Variants in PSMA4 observed in about 807,000 individuals in gnomAD.
PSMA4 encodes the protein proteasome subunit alpha type-4.
PSMA4 carries 8 observed loss-of-function variants against 37.2 expected under a neutral mutation model. The observed-to-expected ratio is 0.22, with a 90% CI of 0.13 to 0.39. The LOEUF (loss-of-function observed/expected upper bound fraction) is 0.39. Among genes scored for constraint, PSMA4 ranks in the 10% least tolerant of loss-of-function variants. The probability of loss-of-function intolerance (pLI) is 1.00; values close to 1 mark genes in which losing one functional copy is unlikely to be tolerated. For synonymous variants in PSMA4, 93 were observed against 98.8 expected, an observed-to-expected ratio of 0.94 and a Z score of 0.35; for missense variants, 169 against 305.1, an observed-to-expected ratio of 0.55 and a Z score of 3.32.
In PSMA4 at chr15:78,551,363, C is replaced by G. The variant is rs1472637919; in HGVS notation, c.*2419C>G. On this transcript the variant is annotated 3_prime_UTR_variant, in exon 9 of 9. Transcript: ENST00000044462. The stretch of plus-strand genomic sequence containing the variant: ...TCCAAATGAGCCTTCTCATCATTCC[C>G]TGAATGTGCCAAGCTCCCCTCACAT... 1 of 152,166 alleles carries G rather than the reference C, an allele frequency of 6.6e-6. No homozygotes were observed. The highest frequency in any genetic ancestry group is 1.5e-5 in the Non-Finnish European group (1 of 68,126). The allele number at this position is 152,166 out of a possible 1,614,324, so 9.4% of individuals were successfully genotyped here. A position where few individuals can be genotyped will look rare whatever the true frequency, so the allele number is the denominator to read the frequency against.
chr15:78,540,734 C>T (rs561325865), intron 1 of PSMA4, 195 bp downstream of exon 1: 1 of 152,366 alleles, frequency 6.6e-6, no homozygotes, highest in East Asian at 1.9e-4. Context: ...GGGGGCTTCC[C>T]AGTGCCAAGC....
At chr15:78,542,383 G>A (rs1312833985) in intron 3 of PSMA4, 100 bp from the exon 4 acceptor site, 2 of 1,454,578 alleles carry the variant, frequency 1.4e-6, no homozygotes, top group Non-Finnish European at 1.9e-6. Context: ...GAGTGAAAGT[G>A]GAAATTTGTT....
chr15:78,541,546 C>G (rs965419339), intron 1 of PSMA4: 20 of 276,286 alleles, frequency 7.2e-5, no homozygotes, highest in Non-Finnish European at 1.4e-4. Flanking sequence ...TTCCCCTGTT[C>G]TTTCTCTTAG....
chr15:78,545,152 G>A (rs566514928), intron 6 of PSMA4, among the ~76,000 whole-genome samples, 195 bp downstream of exon 6: 48 of 152,162 alleles, frequency 3.2e-4, no homozygotes, highest in Non-Finnish European at 4.9e-4. Context: ...ATCAGATCAG[G>A]GTAAATGGCA....
intron 1 of PSMA4, 100 bp from the exon 2 acceptor site, chr15:78,541,805 A>AG: frequency 1.0e-6 from 1 of 982,098 alleles, no homozygotes; most frequent in Non-Finnish European, 1.6e-6. Context: ...CCTGACACTT[A>AG]GCTGAATAAA....
chr15:78,545,099 A>G (rs2052528780), intron 6 of PSMA4, 142 bp downstream of exon 6: 2 of 576,506 alleles, frequency 3.5e-6, no homozygotes, highest in Non-Finnish European at 6.0e-6. Context: ...TAAGAATTGT[A>G]CATATTCATG....
At position 78,549,217 on chromosome 15, in the gene PSMA4, G is replaced by A. The variant is rs2052610195; in HGVS notation, c.*273G>A. The A allele has an allele frequency of 3.6e-6, 1 of 281,454 alleles. No individual in the cohort carries two copies. The highest frequency in any genetic ancestry group is 6.1e-6 in the Non-Finnish European group (1 of 164,950). The allele number at this position is 281,454 out of a possible 1,614,324, so 17.4% of individuals were successfully genotyped here. ...ATGAAGGAATAAATTCTCTGTAGCA[G>A]TAATTGTTAAATATACAAAAACTGA... On this transcript the variant is annotated 3_prime_UTR_variant, in exon 9 of 9. Transcript: ENST00000044462.
At chr15:78,548,089 G>T (rs568864102) in intron 8 of PSMA4, among the ~76,000 whole-genome samples, 10 of 151,946 alleles carry the variant, frequency 6.6e-5, no homozygotes, top group Non-Finnish European at 1.3e-4. Flanking sequence ...AAAATTAGCC[G>T]GGCGTGGTGG....
chr15:78,545,558 C>G, intron 6 of PSMA4, 76 bp from the exon 7 acceptor site: 1 of 1,508,898 alleles, frequency 6.6e-7, no homozygotes, highest in South Asian at 1.1e-5. Flanking sequence ...GTTTAGCTAC[C>G]TTCACTGAGC....
rs972659664 is a variant in PSMA4, at chr15:78,542,601, T to G, written c.165T>G (p.Leu55=). The change falls in exon 4 of 9, where the codon CTT becomes CTG. Residue 55 remains leucine (L), a synonymous_variant. Coordinates refer to ENST00000044462, the MANE Select transcript of PSMA4 (RefSeq NM_002789.6). ...CAGAGAGACGCAACATCCACAAGCTTCTTGATGAAGTCTTTTTTTCTGAAA... is the reference window on the plus strand; with the variant it reads ...CAGAGAGACGCAACATCCACAAGCTGCTTGATGAAGTCTTTTTTTCTGAAA... The part of the protein sequence containing the change: ...LAAERRNIHK[L]LDEVFFSEKI... 4 of 1,611,032 alleles carry G rather than the reference T, an allele frequency of 2.5e-6. No homozygotes were observed. In the African/African-American group the frequency reaches 5.4e-5, roughly 22 times the overall value.
At chr15:78,548,243 G>T (rs1396893639) in intron 8 of PSMA4, among the ~76,000 whole-genome samples, 1 of 151,366 alleles carries the variant, frequency 6.6e-6, no homozygotes. Flanking sequence ...AAAAAAAAAA[G>T]AAAAAGAAAA....
At chr15:78,540,435 GC>G (rs2052421123), upstream of PSMA4, 1 of 152,406 alleles carries the variant, frequency 6.6e-6, no homozygotes, top group Non-Finnish European at 1.5e-5. Context: ...CTGCGCATGC[GC>G]GGGGGCCATA....
At chr15:78,543,624 G>A (rs546550731) in intron 4 of PSMA4, among the ~76,000 whole-genome samples, 3 of 140,950 alleles carry the variant, frequency 2.1e-5, no homozygotes, top group East Asian at 2.0e-4. Context: ...GCTGGAGTAC[G>A]GTGACGCCAT....
At position 78,548,869 on chromosome 15, in the gene PSMA4, C is replaced by T. The variant is rs760336922; in HGVS notation, c.711C>T (p.Ile237=). ...AACAAAAAGAAGTGGAGCAGTTGAT[C>T]AAAAAACATGAGGAAGAAGAAGCCA... The part of the protein sequence containing the change: ...VLKQKEVEQL[I]KKHEEEEAKA... Residue 237 remains isoleucine (I), a synonymous_variant, in exon 9 of 9, where the codon ATC becomes ATT. Transcript: ENST00000044462. 16 of 1,610,782 alleles carry T rather than the reference C, an allele frequency of 9.9e-6. No individual in the cohort carries two copies. The highest frequency in any genetic ancestry group is 1.3e-5 in the Non-Finnish European group (15 of 1,178,456).
chr15:78,547,372 A>G (rs2052572159), intron 8 of PSMA4, among the ~76,000 whole-genome samples: 1 of 152,230 alleles, frequency 6.6e-6, no homozygotes, highest in Admixed American at 6.5e-5. Flanking sequence ...GATAAAGCAT[A>G]CGTATGTAGT....
At chr15:78,543,237 A>G (rs1380595458) in intron 4 of PSMA4, among the ~76,000 whole-genome samples, 1 of 152,152 alleles carries the variant, frequency 6.6e-6, no homozygotes, top group Admixed American at 6.5e-5. Flanking sequence ...CTTTCCTTTC[A>G]GTGGTGGTGG....
chr15:78,543,572 T>TTG (rs34454637), intron 4 of PSMA4, among the ~76,000 whole-genome samples: 39,853 of 146,556 alleles, frequency 0.27, 6,248 homozygotes, highest in Admixed American at 0.46. Flanking sequence ...AAATCTTTTT[T>TTG]TTTTTTTTTT....
rs2052637492 is a variant in PSMA4 at position 78,551,132 on chromosome 15, A to T, written c.*2188A>T. ...GCCTCCTAACTGGTTCCTTGCCTCC[A>T]CTTCATTCCCCACAGTCAATTCTCC... On this transcript the variant is annotated 3_prime_UTR_variant, in exon 9 of 9. Transcript: ENST00000044462. 1 of 152,130 alleles carries T rather than the reference A, an allele frequency of 6.6e-6. No individual in the cohort carries two copies. 9.4% of individuals were successfully genotyped at this position (152,130 alleles called of 1,614,324 possible).
Position 78,544,072 on chromosome 15 carries a change from A to G in PSMA4, c.210-118A>G, listed in dbSNP as rs888978210. ...CTTGTAGGTTTTTTCTGAAGGAAGT[A>G]GCTGTTGTGAAGCAAACATAGTGAA... On this transcript the variant is annotated intron_variant, in intron 4 of 8. Transcript: ENST00000044462. 5.4e-5 allele frequency: 36 copies of G among 666,652 alleles called. No individual in the cohort carries two copies. The South Asian group carries it at 6.7e-4, about 12-fold the overall frequency. 41.3% of individuals were successfully genotyped at this position (666,652 alleles called of 1,614,324 possible).
Sources: allele counts gnomAD v4.1 joint callset (sites outside exome capture counted in the v4.1 genomes callset), GRCh38; gene constraint gnomAD v4.1.1; transcripts MANE v1.5; gene names NCBI Gene and HGNC (gene_info 2026-07-23, HGNC 2026-07-21).